STX8: variants seen among roughly 807,000 people sequenced by gnomAD.
STX8 encodes syntaxin 8.
In STX8, 23 loss-of-function variants were observed where a neutral mutation model predicts 37.5. The ratio of observed to expected loss-of-function variants is 0.61; its 90% confidence interval spans 0.44 to 0.87. The LOEUF (loss-of-function observed/expected upper bound fraction) is 0.87, where lower values mean the gene tolerates loss of function less well. Among genes scored for constraint, STX8 ranks in the 40% least tolerant of loss-of-function variants. STX8 has a pLI of 0.00. For synonymous variants in STX8, 115 were observed against 99.1 expected, an observed-to-expected ratio of 1.16 and a Z score of -0.95; for missense variants, 313 against 284.7, an observed-to-expected ratio of 1.10 and a Z score of -0.71.
intron 4 of STX8, among the ~76,000 whole-genome samples, chr17:9,517,660 T>C (rs1489060214): frequency 6.6e-6 from 1 of 151,926 alleles, no homozygotes; most frequent in East Asian, 1.9e-4. Context: ...AGAGGTTTCA[T>C]AAAGGTAAGG....
At chr17:9,482,021 T>C (rs1004197182) in intron 6 of STX8, among the ~76,000 whole-genome samples, 1 of 152,184 alleles carries the variant, frequency 6.6e-6, no homozygotes, top group African/African-American at 2.4e-5. Flanking sequence ...AAAAGAATCT[T>C]CTAAGCCAGG....
At chr17:9,345,095 C>G (rs899529146) in intron 7 of STX8, among the ~76,000 whole-genome samples, 79 of 152,084 alleles carry the variant, frequency 5.2e-4, no homozygotes, top group African/African-American at 1.8e-3. Context: ...TCTGTGGGCT[C>G]TAGTTCACAG....
chr17:9,451,377 C>T (rs1335924279), intron 6 of STX8, among the ~76,000 whole-genome samples: 2 of 152,140 alleles, frequency 1.3e-5, no homozygotes, highest in Non-Finnish European at 2.9e-5. Context: ...AGAACTTACA[C>T]AAGGCATCAT....
intron 4 of STX8, among the ~76,000 whole-genome samples, chr17:9,542,526 A>G (rs896533422): frequency 6.7e-6 from 1 of 150,026 alleles, no homozygotes; most frequent in South Asian, 2.1e-4. Context: ...AAATACAAAA[A>G]ATTAGCCGGG....
intron 6 of STX8, among the ~76,000 whole-genome samples, chr17:9,429,303 CATT>C (rs1217244486): frequency 2.8e-5 from 4 of 144,042 alleles, no homozygotes; most frequent in African/African-American, 5.1e-5. Flanking sequence ...TATATAAATA[CATT>C]ATTTATATAT....
At chr17:9,536,909 A>G (rs562994462) in intron 4 of STX8, among the ~76,000 whole-genome samples, 2 of 152,078 alleles carry the variant, frequency 1.3e-5, no homozygotes, top group Non-Finnish European at 1.5e-5. Context: ...ATGCCCGGCT[A>G]ATTTTTTTTA....
chr17:9,436,727 G>A (rs999269686), intron 6 of STX8, among the ~76,000 whole-genome samples: 1 of 152,228 alleles, frequency 6.6e-6, no homozygotes, highest in Non-Finnish European at 1.5e-5. Flanking sequence ...ATGTGGCCCA[G>A]CTCTGGGATG....
At chr17:9,455,893 A>C (rs966243292) in intron 6 of STX8, among the ~76,000 whole-genome samples, 1 of 152,196 alleles carries the variant, frequency 6.6e-6, no homozygotes, top group Non-Finnish European at 1.5e-5. Context: ...TACGCAACCA[A>C]TAAGTCTAAT....
chr17:9,338,512 G>A (rs1910218871), intron 7 of STX8, among the ~76,000 whole-genome samples: 1 of 152,072 alleles, frequency 6.6e-6, no homozygotes, highest in South Asian at 2.1e-4. Context: ...TCCAGTCATG[G>A]TGGCTGGAAC....
intron 5 of STX8, among the ~76,000 whole-genome samples, chr17:9,503,868 G>A (rs149691655): frequency 0.024 from 3,726 of 152,184 alleles, 153 homozygotes; most frequent in African/African-American, 0.085. Context: ...GGGTTCAAGC[G>A]ATTCTCCTGC....
chr17:9,563,992 C>A (rs986419001), intron 2 of STX8, among the ~76,000 whole-genome samples: 2 of 152,214 alleles, frequency 1.3e-5, no homozygotes, highest in South Asian at 2.1e-4. Context: ...ACAAAACTTA[C>A]ATGATTATCT....
intron 1 of STX8, among the ~76,000 whole-genome samples, chr17:9,574,394 TA>T (rs1457083490): frequency 3.3e-5 from 5 of 151,448 alleles, no homozygotes; most frequent in East Asian, 1.9e-4. Flanking sequence ...AAATTCATTG[TA>T]AAAAAATCAT....
chr17:9,376,333 G>T (rs1436296091), intron 7 of STX8, among the ~76,000 whole-genome samples: 1 of 151,836 alleles, frequency 6.6e-6, no homozygotes, highest in Non-Finnish European at 1.5e-5. Flanking sequence ...ACACCAACCA[G>T]CACGCTGTAA....
chr17:9,436,948 A>G (rs1904454753), intron 6 of STX8, among the ~76,000 whole-genome samples: 2 of 152,322 alleles, frequency 1.3e-5, no homozygotes, highest in South Asian at 2.1e-4. Flanking sequence ...TAGGACAGGC[A>G]AGCAATCACA....
At chr17:9,558,169 G>T (rs1439072737) in intron 2 of STX8, among the ~76,000 whole-genome samples, 1 of 152,268 alleles carries the variant, frequency 6.6e-6, no homozygotes, top group East Asian at 1.9e-4. Context: ...TGGAGAAGAG[G>T]GCGAGAAGAG....
chr17:9,403,737 C>A (rs1372518607), intron 6 of STX8, among the ~76,000 whole-genome samples: 1 of 151,970 alleles, frequency 6.6e-6, no homozygotes, highest in African/African-American at 2.4e-5. Flanking sequence ...ACCTCTGCCT[C>A]CCGGGTTCAA....
At chr17:9,513,379 A>G (rs74578919) in intron 4 of STX8, among the ~76,000 whole-genome samples, 5,208 of 151,652 alleles carry the variant, frequency 0.034, 281 homozygotes, top group African/African-American at 0.12. Flanking sequence ...CTGACCAGAC[A>G]TTTCTCAAAA....
intron 7 of STX8, among the ~76,000 whole-genome samples, chr17:9,308,206 GA>G (rs1039557884): frequency 5.3e-5 from 8 of 152,156 alleles, no homozygotes; most frequent in Non-Finnish European, 1.2e-4. Context: ...AACCCCGCAG[GA>G]CCTGTCTGCT....
intron 2 of STX8, among the ~76,000 whole-genome samples, chr17:9,562,934 G>C (rs1663325818): frequency 6.6e-6 from 1 of 152,002 alleles, no homozygotes; most frequent in African/African-American, 2.4e-5. Context: ...TAAAGGACAA[G>C]GTTATTTACT....
Sources: allele counts gnomAD v4.1 joint callset (sites outside exome capture counted in the v4.1 genomes callset), GRCh38; gene constraint gnomAD v4.1.1; transcripts MANE v1.5; gene names NCBI Gene and HGNC (gene_info 2026-07-23, HGNC 2026-07-21).